The following PP2D1 variants were observed in gnomAD, a reference collection of about 807,000 sequenced individuals.
The protein encoded by PP2D1 is protein phosphatase 2C-like domain-containing protein 1.
Under a neutral mutation model 30.2 loss-of-function variants are expected in PP2D1, and 25 were observed. That is an observed-to-expected ratio of 0.83 (90% CI 0.60 to 1.16). The LOEUF is 1.16. PP2D1 is among the 50% of genes most tolerant of loss of function. PP2D1 has a pLI of 0.00. For synonymous variants in PP2D1, 260 were observed against 258.9 expected (o/e 1.00, Z -0.04); for missense variants, 760 against 742.4 (o/e 1.02, Z -0.28).
At chr3:19,982,572 G>A (rs943598937), downstream of PP2D1, among the ~76,000 whole-genome samples, 9 of 152,016 alleles carry the variant, frequency 5.9e-5, no homozygotes, top group African/African-American at 2.2e-4. Flanking sequence ...CTAAGCGGTC[G>A]AGCATGGTGG....
At chr3:19,980,203 A>G (rs1696896693) in intron 3 of PP2D1, 1 of 152,250 alleles carries the variant, frequency 6.6e-6, no homozygotes, top group African/African-American at 2.4e-5. Context: ...CAATGAGTTA[A>G]TAGGCCTCTC....
At chr3:19,980,262 G>A (rs1431614557) in intron 3 of PP2D1, 3 of 152,190 alleles carry the variant, frequency 2.0e-5, no homozygotes, top group South Asian at 2.1e-4. Context: ...AACTCTACCA[G>A]ATGGGCTTTA....
chr3:20,009,265 C>A (rs966409311), intron 1 of PP2D1, among the ~76,000 whole-genome samples: 5 of 152,024 alleles, frequency 3.3e-5, no homozygotes, highest in Admixed American at 3.3e-4. Flanking sequence ...AGTTGGGGAC[C>A]AGCCTGGGCA....
At chr3:19,999,025 T>C (rs1044144179) in intron 2 of PP2D1, among the ~76,000 whole-genome samples, 1 of 151,540 alleles carries the variant, frequency 6.6e-6, no homozygotes, top group Admixed American at 6.6e-5. Flanking sequence ...GCCTGGAAAT[T>C]AAATCCAACT....
At chr3:20,002,221 T>C in intron 1 of PP2D1, 125 bp from the exon 2 acceptor site, 1 of 628,528 alleles carries the variant, frequency 1.6e-6, no homozygotes, top group South Asian at 2.1e-5. Context: ...GATTAAATAT[T>C]CTGAGTCATA....
In PP2D1 at chr3:20,012,120, T is replaced by C. The variant is rs1303274943; in HGVS notation, c.-48A>G. The C allele has an allele frequency of 2.7e-6, 4 of 1,472,468 alleles. No homozygotes were observed. The highest frequency in any genetic ancestry group is 3.7e-6 in the Non-Finnish European group (4 of 1,093,222). 91.2% of individuals were successfully genotyped at this position (1,472,468 alleles called of 1,614,324 possible). ...TTGCCCTCCCTTTATCCCCTTCCCC[T>C]GGCCTCTATTTCTCCAACTTGAGTA... On this transcript the variant is annotated 5_prime_UTR_variant, in exon 1 of 3. Transcript: ENST00000389050.
chr3:19,993,768 C>G (rs892078923), intron 2 of PP2D1, among the ~76,000 whole-genome samples: 2 of 152,096 alleles, frequency 1.3e-5, no homozygotes, highest in African/African-American at 4.8e-5. Flanking sequence ...GAGACGGAGT[C>G]TCGCTCTGTC....
chr3:20,003,677 G>A (rs755693696), intron 1 of PP2D1, among the ~76,000 whole-genome samples: 98 of 152,054 alleles, frequency 6.4e-4, no homozygotes, highest in Non-Finnish European at 1.2e-3. Context: ...CCAGGAGACA[G>A]GAGGCGGAGG....
chr3:19,992,162 T>C (rs1424709926), intron 2 of PP2D1, among the ~76,000 whole-genome samples: 2 of 152,208 alleles, frequency 1.3e-5, no homozygotes, highest in Non-Finnish European at 2.9e-5. Flanking sequence ...TAGCTTTCAT[T>C]GGATGTTCAA....
At chr3:20,002,931 T>G (rs938840521) in intron 1 of PP2D1, among the ~76,000 whole-genome samples, 5 of 152,034 alleles carry the variant, frequency 3.3e-5, no homozygotes, top group African/African-American at 1.2e-4. Flanking sequence ...GGCAGGTGCC[T>G]GTAATCCCAG....
At chr3:20,000,570 G>A (rs1697238283) in intron 2 of PP2D1, among the ~76,000 whole-genome samples, 2 of 152,220 alleles carry the variant, frequency 1.3e-5, no homozygotes, top group African/African-American at 2.4e-5. Flanking sequence ...TGAAATAGAT[G>A]CTACTTGGCC....
intron 2 of PP2D1, among the ~76,000 whole-genome samples, chr3:19,992,993 T>A (rs1008627045): frequency 3.9e-5 from 6 of 151,988 alleles, no homozygotes; most frequent in Admixed American, 6.6e-5. Context: ...TGAGTGAGCC[T>A]AAGAATAACC....
Position 20,001,293 on chromosome 3 carries a change from C to T in PP2D1, c.827G>A (p.Arg276Lys), listed in dbSNP as rs1697248254. The T allele has an allele frequency of 2.6e-6, 4 of 1,535,740 alleles. No homozygotes were observed. Among genetic ancestry groups the T allele is most frequent in the Non-Finnish European group, 3.5e-6 (4 of 1,146,734 alleles). The change falls in exon 2 of 3, where the codon AGG becomes AAG. Residue 276 changes from arginine (R) to lysine (K), a missense_variant. This residue lies in a region of PP2D1 where 374 missense variants were observed against 388.8 expected (regional missense o/e 0.96). Coordinates refer to ENST00000389050, the MANE Select transcript of PP2D1 (RefSeq NM_001252657.2). ...FSAINKTEAV[R>K]CEYEDTHKAF... ...TTTGTGTGTGTCCTCATACTCACAC[C>T]TCACTGCTTCTGTTTTGTTTATGGC...
At position 20,012,239 on chromosome 3, in the gene PP2D1, T is replaced by G; in HGVS notation, c.-167A>C. On this transcript the variant is annotated 5_prime_UTR_variant, in exon 1 of 3. Coordinates refer to ENST00000389050, the MANE Select transcript of PP2D1 (RefSeq NM_001252657.2). ...AGCGATGGTGGGCATTCCCCTCACTTGATGGTAGAGCTCCCTGTGTGGAAT... is the reference window on the plus strand; with the variant it reads ...AGCGATGGTGGGCATTCCCCTCACTGGATGGTAGAGCTCCCTGTGTGGAAT... 3 of 620,400 alleles carry G rather than the reference T, an allele frequency of 4.8e-6. No homozygotes were observed. In the East Asian group the frequency reaches 8.3e-5, roughly 17 times the overall value. 38.4% of individuals were successfully genotyped at this position (620,400 alleles called of 1,614,324 possible). A position where few individuals can be genotyped will look rare whatever the true frequency, so the allele number is the denominator to read the frequency against.
At chr3:20,000,827 T>C in intron 2 of PP2D1, 1 of 378,102 alleles carries the variant, frequency 2.6e-6, no homozygotes, top group Non-Finnish European at 4.7e-6. Flanking sequence ...TCTGTGCCTC[T>C]TTAAAAAATA....
intron 2 of PP2D1, among the ~76,000 whole-genome samples, chr3:19,996,310 T>A (rs1345016324): frequency 6.6e-6 from 1 of 152,078 alleles, no homozygotes; most frequent in Non-Finnish European, 1.5e-5. Context: ...TGAACAACTA[T>A]ACCCTAACAA....
intron 1 of PP2D1, among the ~76,000 whole-genome samples, chr3:20,002,549 T>C (rs1466825102): frequency 6.6e-6 from 1 of 152,198 alleles, no homozygotes; most frequent in Non-Finnish European, 1.5e-5. Flanking sequence ...CTCAATGTCA[T>C]AAAGTGCAAC....
At chr3:19,984,282 C>T (rs1234243731), downstream of PP2D1, 1 of 429,444 alleles carries the variant, frequency 2.3e-6, no homozygotes, top group Non-Finnish European at 4.6e-6. Flanking sequence ...GGCAAATGTT[C>T]ATTTCTCCTG....
rs547967631 is a variant in PP2D1 at position 20,004,404 on chromosome 3, G to A, written c.24-2308C>T. On this transcript the variant is annotated intron_variant, in intron 1 of 2. Coordinates refer to ENST00000389050, the MANE Select transcript of PP2D1 (RefSeq NM_001252657.2). Reference sequence around the variant, plus strand: ...GCACTTCTCAGAAAGTATCCCCATCGTTAAATGATGCATGATTGTAATTAC... The same window carrying A: ...GCACTTCTCAGAAAGTATCCCCATCATTAAATGATGCATGATTGTAATTAC... 1.1e-4 allele frequency among the ~76,000 whole-genome samples: 16 copies of A among 152,264 alleles called. No individual in the cohort carries two copies. In the East Asian group the frequency reaches 1.9e-3, roughly 18 times the overall value.
Sources: gnomAD v4.1 joint callset for allele counts (sites outside exome capture counted in the v4.1 genomes callset) on GRCh38, gnomAD v4.1.1 for gene constraint, gnomAD v4.1.1 regional missense constraint, MANE v1.5 for transcripts, NCBI Gene and HGNC (gene_info 2026-07-23, HGNC 2026-07-21) for gene names.